The following GPAT3 variants were observed in gnomAD, a reference collection of about 807,000 sequenced individuals.
The protein encoded by GPAT3 is 1-AGP acyltransferase 9.
A neutral mutation model predicts 58.8 loss-of-function variants in GPAT3; 53 were observed. That is an observed-to-expected ratio of 0.90 (90% confidence interval 0.72 to 1.13). The LOEUF (loss-of-function observed/expected upper bound fraction) is 1.13. Among genes scored for constraint, GPAT3 ranks in the 50% most tolerant of loss-of-function variants. The pLI is 0.00. For synonymous variants in GPAT3, 197 were observed against 187.4 expected, an observed-to-expected ratio of 1.05 and a Z score of -0.42; for missense variants, 511 against 527.6, an observed-to-expected ratio of 0.97 and a Z score of 0.31.
intron 2 of GPAT3, among the ~76,000 whole-genome samples, chr4:83,571,822 G>C (rs780004096): frequency 1.4e-4 from 22 of 151,838 alleles, no homozygotes; most frequent in Middle Eastern, 3.4e-3. Context: ...ATCCAGGCTG[G>C]AGTGCAGTGG....
At position 83,553,198 on chromosome 4, in the gene GPAT3, G is replaced by A. The variant is rs866379156; in HGVS notation, c.208+8596G>A. Among the ~76,000 whole-genome samples the A allele has an allele frequency of 2.6e-5, 4 of 152,306 alleles. No homozygotes were observed. The South Asian group carries it at 8.3e-4, about 32-fold the overall frequency. On this transcript the variant is annotated intron_variant, in intron 2 of 11. Coordinates refer to ENST00000264409, the MANE Select transcript of GPAT3 (RefSeq NM_032717.5). ...GGATGAAGTGGTTCTGGCAGGAAAT[G>A]AGAAGGTAAAAGGTCAGATCAGAGT...
intron 2 of GPAT3, among the ~76,000 whole-genome samples, chr4:83,566,497 C>T (rs150112002): frequency 3.2e-4 from 48 of 150,592 alleles, no homozygotes; most frequent in African/African-American, 9.7e-4. Flanking sequence ...ATCTGGAAGT[C>T]GTGACCTTAA....
At position 83,581,619 on chromosome 4, in the gene GPAT3, G is replaced by A. The variant is rs1359431695; in HGVS notation, c.266G>A (p.Arg89Lys). The stretch of plus-strand genomic sequence containing the variant: ...AAAGGGCTCTCTGGTCTACGAGGAA[G>A]GGACTTTGAGCTGTCTGACGTGTTT... ...MEKGLSGLRG[R>K]DFELSDVFYF... The change falls in exon 3 of 12, where the codon AGG becomes AAG. Residue 89 changes from arginine (R) to lysine (K), a missense_variant. Transcript: ENST00000264409. The A allele has an allele frequency of 1.2e-6, 2 of 1,614,174 alleles. No homozygotes were observed. The highest frequency in any genetic ancestry group is 2.2e-5 in the South Asian group (2 of 91,086).
intron 2 of GPAT3, among the ~76,000 whole-genome samples, chr4:83,550,615 C>A (rs1724717466): frequency 1.3e-5 from 2 of 152,080 alleles, no homozygotes; most frequent in Non-Finnish European, 2.9e-5. Flanking sequence ...TTTCAAATAA[C>A]CACAATGCTA....
At chr4:83,539,114 ATGTT>A (rs1724204402) in intron 1 of GPAT3, among the ~76,000 whole-genome samples, 1 of 152,178 alleles carries the variant, frequency 6.6e-6, no homozygotes, top group Non-Finnish European at 1.5e-5. Flanking sequence ...ACAGTGTTAG[ATGTT>A]TCAAAGACAT....
chr4:83,579,414 T>A (rs569327208), intron 2 of GPAT3, among the ~76,000 whole-genome samples: 64 of 150,710 alleles, frequency 4.2e-4, no homozygotes, highest in Middle Eastern at 3.4e-3. Context: ...TGCCTCAGCC[T>A]CCCAAGTAGC....
chr4:83,577,526 A>G (rs1015300920), intron 2 of GPAT3, among the ~76,000 whole-genome samples: 1 of 152,186 alleles, frequency 6.6e-6, no homozygotes, highest in African/African-American at 2.4e-5. Context: ...TTTTTTATAT[A>G]CATATAAAGA....
chr4:83,594,072 C>A (rs1726718236), intron 6 of GPAT3, among the ~76,000 whole-genome samples: 1 of 152,030 alleles, frequency 6.6e-6, no homozygotes, highest in East Asian at 1.9e-4. Context: ...ATATTATTTC[C>A]CCTTTAGTCT....
upstream of GPAT3, chr4:83,535,718 C>T (rs751247876): frequency 3.0e-6 from 3 of 985,202 alleles, no homozygotes; most frequent in African/African-American, 3.5e-5. Context: ...AGATTGAGCC[C>T]CACAGCTGTA....
chr4:83,540,461 G>A (rs1326824243), intron 1 of GPAT3, among the ~76,000 whole-genome samples: 1 of 152,148 alleles, frequency 6.6e-6, no homozygotes, highest in African/African-American at 2.4e-5. Context: ...TTGTATTTGG[G>A]TGGATCTGAT....
intron 2 of GPAT3, among the ~76,000 whole-genome samples, chr4:83,562,475 C>T (rs912022763): frequency 4.6e-5 from 7 of 150,968 alleles, no homozygotes; most frequent in African/African-American, 7.3e-5. Context: ...AGAAAGGAGG[C>T]GTAGTAGACA....
chr4:83,540,718 C>T (rs1724270022), intron 1 of GPAT3, among the ~76,000 whole-genome samples: 1 of 152,114 alleles, frequency 6.6e-6, no homozygotes, highest in African/African-American at 2.4e-5. Flanking sequence ...CAGAGCCTCG[C>T]TCTGTCACCC....
At chr4:83,603,061 A>G (rs766978506) in intron 11 of GPAT3, among the ~76,000 whole-genome samples, 11 of 152,208 alleles carry the variant, frequency 7.2e-5, no homozygotes, top group Non-Finnish European at 1.6e-4. Flanking sequence ...TCCACATGGC[A>G]TTGAGTTCAC....
chr4:83,593,930 C>T (rs184964493), intron 6 of GPAT3, among the ~76,000 whole-genome samples: 201 of 152,166 alleles, frequency 1.3e-3, no homozygotes, highest in Non-Finnish European at 2.1e-3. Context: ...AAAACTAAGC[C>T]GAAAAGGTAT....
intron 1 of GPAT3, among the ~76,000 whole-genome samples, chr4:83,542,075 G>A (rs1724325364): frequency 6.6e-6 from 1 of 152,002 alleles, no homozygotes; most frequent in Non-Finnish European, 1.5e-5. Context: ...AATTTCGGAG[G>A]GACATAATTC....
intron 2 of GPAT3, among the ~76,000 whole-genome samples, chr4:83,573,865 T>G (rs1277161098): frequency 6.6e-6 from 1 of 152,176 alleles, no homozygotes; most frequent in Non-Finnish European, 1.5e-5. Flanking sequence ...CTTGTATACC[T>G]CTCATCTAGG....
intron 2 of GPAT3, among the ~76,000 whole-genome samples, chr4:83,565,902 AAGG>A (rs1483161011): frequency 1.3e-5 from 2 of 152,190 alleles, no homozygotes; most frequent in African/African-American, 4.8e-5. Flanking sequence ...TTCATCAGTG[AAGG>A]AGAACTCTGT....
chr4:83,537,438 T>C lies in GPAT3; in HGVS notation c.141+675T>C, dbSNP rs1724141282. 2.0e-5 allele frequency among the ~76,000 whole-genome samples: 3 copies of C among 152,272 alleles called. No individual in the cohort carries two copies. In the South Asian group the frequency reaches 6.2e-4, roughly 32 times the overall value. The stretch of plus-strand genomic sequence containing the variant: ...ACTGCAGCTTACTCTTAGGGTTTTA[T>C]TAAGTGTCAAAAGGCTGGGTAGGGT... On this transcript the variant is annotated intron_variant, in intron 1 of 11. Coordinates refer to ENST00000264409, the MANE Select transcript of GPAT3 (RefSeq NM_032717.5).
chr4:83,546,216 C>T (rs950060827), intron 2 of GPAT3, among the ~76,000 whole-genome samples: 1 of 152,090 alleles, frequency 6.6e-6, no homozygotes, highest in Non-Finnish European at 1.5e-5. Flanking sequence ...AACTACTGAC[C>T]TCAAGCGATC....
Sources: allele counts gnomAD v4.1 joint callset (sites outside exome capture counted in the v4.1 genomes callset), GRCh38; gene constraint gnomAD v4.1.1; transcripts MANE v1.5; gene names NCBI Gene and HGNC (gene_info 2026-07-23, HGNC 2026-07-21).